The following HMGXB4 variants were observed in gnomAD, a reference collection of about 807,000 sequenced individuals.
The protein encoded by HMGXB4 is HMG-box containing 4.
Under a neutral mutation model 63.9 loss-of-function variants are expected in HMGXB4, and 27 were observed. That is an observed-to-expected ratio of 0.42 (90% confidence interval 0.31 to 0.58). The LOEUF (loss-of-function observed/expected upper bound fraction) is 0.58. HMGXB4 is among the 20% of genes least tolerant of loss of function. The probability of loss-of-function intolerance (pLI) is 0.13; values close to 1 mark genes in which losing one functional copy is unlikely to be tolerated. For missense variants in HMGXB4, 624 were observed against 700.7 expected (o/e 0.89, Z 1.24); for synonymous variants, 264 against 265.3 (o/e 0.99, Z 0.05).
upstream of HMGXB4, among the ~76,000 whole-genome samples, chr22:35,255,910 C>T (rs1237345087): frequency 1.3e-5 from 2 of 152,254 alleles, no homozygotes; most frequent in East Asian, 3.8e-4. Flanking sequence ...TGGTGAAACT[C>T]ATTGCCTGTC....
intron 1 of HMGXB4, chr22:35,261,993 T>C (rs994853844): frequency 1.1e-5 from 2 of 186,756 alleles, no homozygotes; most frequent in South Asian, 2.1e-4. Flanking sequence ...TCTAACTTAA[T>C]GTTGGTTTCT....
chr22:35,248,418 T>C, the HMGXB4 span, among the ~76,000 whole-genome samples: 8 of 148,780 alleles, frequency 5.4e-5, no homozygotes, highest in African/African-American at 2.0e-4. Flanking sequence ...TTTTTTTTTT[T>C]TTTTTGGAGA....
chr22:35,266,245 A>G lies in HMGXB4; in HGVS notation c.1215+642A>G, dbSNP rs192162197. ...TGCTTAGGGCAGTTGGGAGATGTCA[A>G]AAGGTGTTCTTTGAGTTCATTTTTA... On this transcript the variant is annotated intron_variant, in intron 5 of 10. Coordinates refer to ENST00000216106, the MANE Select transcript of HMGXB4 (RefSeq NM_001003681.3). 5.7e-3 allele frequency among the ~76,000 whole-genome samples: 874 copies of G among 152,346 alleles called. 16 individuals are homozygous for G. Among genetic ancestry groups the G allele is most frequent in the South Asian group, 0.03 (145 of 4,826 alleles).
rs1168539045 is a variant in HMGXB4 at position 35,294,442 on chromosome 22, A to G, written c.*791A>G. ...AGTGCTGGTGTCTTTCACTGGCAGC[A>G]TGAAGTTAGCCACCAAGTCCTCACA... On this transcript the variant is annotated 3_prime_UTR_variant, in exon 11 of 11. Coordinates refer to ENST00000216106, the MANE Select transcript of HMGXB4 (RefSeq NM_001003681.3). 2 of 152,586 alleles carry G rather than the reference A, an allele frequency of 1.3e-5. No individual in the cohort carries two copies. The highest frequency in any genetic ancestry group is 1.9e-4 in the East Asian group (1 of 5,190). The allele number at this position is 152,586 out of a possible 1,614,324, so 9.5% of individuals were successfully genotyped here.
Position 35,293,584 on chromosome 22 carries a change from G to C in HMGXB4, c.1762-23G>C, listed in dbSNP as rs1435210832. The C allele has an allele frequency of 3.2e-6, 5 of 1,579,038 alleles. No homozygotes were observed. In the South Asian group the frequency reaches 4.4e-5, roughly 14 times the overall value. On this transcript the variant is annotated intron_variant, in intron 10 of 10. Transcript: ENST00000216106. ...AACCAAGGTACAGTACTCTTCAGTT[G>C]AACATTTTTCTTTGTTTTGCAGTCA...
intron 5 of HMGXB4, among the ~76,000 whole-genome samples, 164 bp downstream of exon 5, chr22:35,265,767 G>C (rs1173054184): frequency 2.0e-5 from 3 of 151,636 alleles, no homozygotes; most frequent in African/African-American, 7.3e-5. Flanking sequence ...CAGTAGCCCA[G>C]TCTGTCTGAT....
intron 1 of HMGXB4, among the ~76,000 whole-genome samples, chr22:35,258,998 T>A (rs947280268): frequency 2.6e-5 from 4 of 152,262 alleles, no homozygotes; most frequent in Non-Finnish European, 2.9e-5. Flanking sequence ...ACCTGTTTTT[T>A]AACTGTAATT....
rs79140131 is a variant in HMGXB4, at chr22:35,284,871, C to T, written c.1297+828C>T. On this transcript the variant is annotated intron_variant, in intron 6 of 10. Transcript: ENST00000216106. ...ATTTGCCTAATGTGTAAAATCGCTG[C>T]CCTACCAACTCCAAAAGACTGCAGT... Among the ~76,000 whole-genome samples, 494 of 152,288 alleles carry T rather than the reference C, an allele frequency of 3.2e-3. 5 individuals are homozygous for T. Among genetic ancestry groups the T allele is most frequent in the African/African-American group, 0.011 (477 of 41,552 alleles).
At chr22:35,281,048 G>C (rs1253926884) in intron 5 of HMGXB4, among the ~76,000 whole-genome samples, 1 of 152,162 alleles carries the variant, frequency 6.6e-6, no homozygotes, top group Non-Finnish European at 1.5e-5. Context: ...GGCACATATG[G>C]ATACTCAGTA....
At chr22:35,291,763 A>T (rs538393134) in intron 9 of HMGXB4, among the ~76,000 whole-genome samples, 1 of 152,322 alleles carries the variant, frequency 6.6e-6, no homozygotes, top group South Asian at 2.1e-4. Context: ...CATTTTACAG[A>T]AGAATAAACA....
At chr22:35,242,274 T>A in the HMGXB4 span, among the ~76,000 whole-genome samples, 2 of 152,332 alleles carry the variant, frequency 1.3e-5, no homozygotes, top group East Asian at 3.9e-4. Flanking sequence ...ATAGTGTGTG[T>A]TTTTTGAAGA....
chr22:35,245,033 C>T, the HMGXB4 span, among the ~76,000 whole-genome samples: 569 of 152,160 alleles, frequency 3.7e-3, 6 homozygotes, highest in African/African-American at 0.013. Context: ...CCACCACGCC[C>T]GGCTAACTTT....
chr22:35,280,973 T>G (rs1569003235), intron 5 of HMGXB4, among the ~76,000 whole-genome samples: 2 of 152,364 alleles, frequency 1.3e-5, no homozygotes, highest in East Asian at 3.9e-4. Flanking sequence ...TTTATTAGAA[T>G]GACATATTTA....
rs1401826533 is a variant in HMGXB4, at chr22:35,284,062, T to C, written c.1297+19T>C. On this transcript the variant is annotated intron_variant, in intron 6 of 10. Transcript: ENST00000216106. ...GGTATAGGTAAGAACATTACTGATC[T>C]GTAGCGCTTTTGCTTTCCATTTATA... The C allele has an allele frequency of 2.6e-6, 4 of 1,558,360 alleles. No individual in the cohort carries two copies. In the Admixed American group the frequency reaches 6.7e-5, roughly 26 times the overall value.
At chr22:35,260,594 A>G (rs1051164211) in intron 1 of HMGXB4, among the ~76,000 whole-genome samples, 1 of 152,220 alleles carries the variant, frequency 6.6e-6, no homozygotes, top group Admixed American at 6.5e-5. Flanking sequence ...TTCCTATGAA[A>G]AGGCCCTTCG....
At chr22:35,252,986 G>T (rs1053832616), upstream of HMGXB4, among the ~76,000 whole-genome samples, 1 of 152,098 alleles carries the variant, frequency 6.6e-6, no homozygotes, top group Non-Finnish European at 1.5e-5. Context: ...ACAAAAATTA[G>T]CTGGGTGTGG....
At chr22:35,253,167 T>TGAAGTATA (rs1922260752), upstream of HMGXB4, among the ~76,000 whole-genome samples, 1 of 143,376 alleles carries the variant, frequency 7.0e-6, no homozygotes, top group East Asian at 2.0e-4. Flanking sequence ...AGTCATTAGC[T>TGAAGTATA]GAAGTATAAG....
intron 1 of HMGXB4, chr22:35,258,098 G>A (rs1922564862): frequency 6.6e-6 from 1 of 152,262 alleles, no homozygotes; most frequent in Non-Finnish European, 1.5e-5. Context: ...TGTTGAGCTA[G>A]CTGTTGCCGC....
At chr22:35,291,618 G>T (rs1601646143) in intron 9 of HMGXB4, among the ~76,000 whole-genome samples, 1 of 152,076 alleles carries the variant, frequency 6.6e-6, no homozygotes, top group Non-Finnish European at 1.5e-5. Context: ...ACATTTTTGG[G>T]GTTTTAGCTA....
Sources: allele counts gnomAD v4.1 joint callset (sites outside exome capture counted in the v4.1 genomes callset), GRCh38; gene constraint gnomAD v4.1.1; transcripts MANE v1.5; gene names NCBI Gene and HGNC (gene_info 2026-07-23, HGNC 2026-07-21).